AMMECR1: variants seen among roughly 807,000 people sequenced by gnomAD.
AMMECR1 encodes the protein AMMECR nuclear protein 1, also known as nuclear protein AMMECR1.
In AMMECR1, 3 loss-of-function variants were observed where a neutral mutation model predicts 22.5. The ratio of observed to expected loss-of-function variants is 0.13; its 90% CI spans 0.06 to 0.35. The LOEUF is 0.35. Ranked by LOEUF, AMMECR1 falls within the 10% of genes least tolerant of loss-of-function variation. The pLI, the probability that AMMECR1 is intolerant of heterozygous loss-of-function variation, is 1.00. For missense variants in AMMECR1, 235 were observed against 278.7 expected, an observed-to-expected ratio of 0.84 and a Z score of 1.12; for synonymous variants, 130 against 116.7, an observed-to-expected ratio of 1.11 and a Z score of -0.74.
intron 2 of AMMECR1, among the ~76,000 whole-genome samples, chrX:110,338,366 A>C (rs7053660): frequency 0.045 from 5,001 of 111,756 alleles, 288 homozygotes; most frequent in African/African-American, 0.15. Flanking sequence ...TTTCCTCAGA[A>C]GTACAAACAA....
intron 2 of AMMECR1, among the ~76,000 whole-genome samples, chrX:110,231,253 C>G (rs1009624023): frequency 3.4e-4 from 38 of 111,705 alleles, no homozygotes; most frequent in African/African-American, 1.1e-3. Flanking sequence ...TGAAATGAAG[C>G]AAAAAGTGTT....
chrX:110,199,497 GA>G (rs920474448), intron 5 of AMMECR1, among the ~76,000 whole-genome samples: 1 of 110,252 alleles, frequency 9.1e-6, no homozygotes, highest in African/African-American at 3.3e-5. Flanking sequence ...TGACCTACTA[GA>G]TATTTCTATA....
chrX:110,243,704 A>C (rs193033893), intron 2 of AMMECR1, among the ~76,000 whole-genome samples: 139 of 112,382 alleles, frequency 1.2e-3, no homozygotes, highest in African/African-American at 4.1e-3. Context: ...GTTAGAAAGA[A>C]GTTTGAGGAT....
chrX:110,328,651 G>A (rs1439941445), intron 2 of AMMECR1, among the ~76,000 whole-genome samples: 4 of 104,174 alleles, frequency 3.8e-5, no homozygotes, highest in African/African-American at 1.4e-4. Context: ...AGTGTGTGAT[G>A]TTCCCCTCCC....
At chrX:110,212,323 T>C (rs752359800) in intron 3 of AMMECR1, among the ~76,000 whole-genome samples, 3 of 111,702 alleles carry the variant, frequency 2.7e-5, no homozygotes, top group East Asian at 2.8e-4. Context: ...GGGATATCTG[T>C]CTTGGTAGCG....
intron 2 of AMMECR1, among the ~76,000 whole-genome samples, chrX:110,383,294 A>G (rs142748065): frequency 0.01 from 1,161 of 111,109 alleles, 9 homozygotes; most frequent in Middle Eastern, 0.032. Context: ...CAAAGAGTAT[A>G]AACTTCATAC....
intron 2 of AMMECR1, among the ~76,000 whole-genome samples, chrX:110,232,580 G>A (rs1408401490): frequency 9.0e-6 from 1 of 110,944 alleles, no homozygotes; most frequent in Non-Finnish European, 1.9e-5. Flanking sequence ...ATCTAAAATC[G>A]ACACCCTAAC....
intron 2 of AMMECR1, among the ~76,000 whole-genome samples, chrX:110,253,632 GA>G (rs760841507): frequency 8.9e-6 from 1 of 112,397 alleles, no homozygotes; most frequent in East Asian, 2.8e-4. Context: ...TTTTACCACT[GA>G]AATATTTAAG....
chrX:110,342,572 A>C (rs1482575225), intron 2 of AMMECR1, among the ~76,000 whole-genome samples: 1 of 110,916 alleles, frequency 9.0e-6, no homozygotes, highest in Non-Finnish European at 1.9e-5. Flanking sequence ...GGGTTTCACC[A>C]TGTTGGTCAG....
At chrX:110,374,197 T>C (rs2068359524) in intron 2 of AMMECR1, among the ~76,000 whole-genome samples, 1 of 112,191 alleles carries the variant, frequency 8.9e-6, no homozygotes, top group South Asian at 3.7e-4. Context: ...TGATACCCTG[T>C]AGATGCAACA....
At chrX:110,220,478 T>C (rs1380162737) in intron 2 of AMMECR1, among the ~76,000 whole-genome samples, 2 of 111,871 alleles carry the variant, frequency 1.8e-5, no homozygotes, top group African/African-American at 6.5e-5. Flanking sequence ...CAAAGTAGTA[T>C]CTGCCAATTT....
rs967412248 is a variant in AMMECR1 at position 110,384,450 on chromosome X, C to T, written c.-148+42208G>A. Among the ~76,000 whole-genome samples the T allele has an allele frequency of 2.7e-5, 3 of 111,664 alleles. No homozygotes were observed. The Admixed American group carries it at 2.9e-4, about 11-fold the overall frequency. The stretch of plus-strand genomic sequence containing the variant: ...ATTTTAAGAATTAAATAACTTAGTA[C>T]ATGTAAAACCTAGCACATAATAACA... On this transcript the variant is annotated intron_variant, in intron 2 of 7. Transcript: ENST00000372057.
intron 1 of AMMECR1, among the ~76,000 whole-genome samples, chrX:110,301,831 C>T (rs912390143): frequency 8.9e-6 from 1 of 111,785 alleles, no homozygotes; most frequent in Non-Finnish European, 1.9e-5. Context: ...AAAATCCATT[C>T]TTAGACACTA....
Position 110,430,785 on chromosome X carries a change from G to C in AMMECR1, c.-293-3982C>G, listed in dbSNP as rs903853604. Among the ~76,000 whole-genome samples, 7 of 112,595 alleles carry C rather than the reference G, an allele frequency of 6.2e-5. No homozygotes were observed. The East Asian group carries it at 1.9e-3, about 31-fold the overall frequency. On this transcript the variant is annotated intron_variant, in intron 1 of 7. Coordinates refer to the AMMECR1 transcript ENST00000372057. Reference sequence around the variant, plus strand: ...GAAATGCTCAACATAGATTTGCTGAGTGAATAAATGACTGTTTTGAAATTA... The same window carrying C: ...GAAATGCTCAACATAGATTTGCTGACTGAATAAATGACTGTTTTGAAATTA...
chrX:110,425,155 T>A (rs112274369), intron 2 of AMMECR1, among the ~76,000 whole-genome samples: 5,278 of 112,065 alleles, frequency 0.047, 311 homozygotes, highest in African/African-American at 0.16. Context: ...AAAATCAAGG[T>A]TAATCTTGTT....
intron 2 of AMMECR1, among the ~76,000 whole-genome samples, chrX:110,240,733 A>G (rs2067627874): frequency 8.9e-6 from 1 of 112,147 alleles, no homozygotes; most frequent in African/African-American, 3.2e-5. Flanking sequence ...AACCTAATAG[A>G]CATCTACAGA....
At chrX:110,236,543 T>G (rs1283966741) in intron 2 of AMMECR1, among the ~76,000 whole-genome samples, 1 of 112,372 alleles carries the variant, frequency 8.9e-6, no homozygotes, top group Non-Finnish European at 1.9e-5. Flanking sequence ...TATCCCCATG[T>G]ATATGTTATA....
At chrX:110,206,033 T>C (rs2067420170) in intron 3 of AMMECR1, among the ~76,000 whole-genome samples, 1 of 112,495 alleles carries the variant, frequency 8.9e-6, no homozygotes, top group Non-Finnish European at 1.9e-5. Context: ...AAGATTAATG[T>C]TAAGACCCTA....
chrX:110,318,365 G>T, upstream of AMMECR1: 1 of 114,138 alleles, frequency 8.8e-6, no homozygotes, highest in Middle Eastern at 3.2e-3. Context: ...CCGGCCGGCA[G>T]AGGTTGGAAG....
Sources: gnomAD v4.1 joint callset for allele counts (sites outside exome capture counted in the v4.1 genomes callset) on GRCh38, gnomAD v4.1.1 for gene constraint, MANE v1.5 for transcripts, NCBI Gene and HGNC (gene_info 2026-07-23, HGNC 2026-07-21) for gene names.